Variants in COL4A6 observed in about 807,000 individuals in gnomAD.
COL4A6 encodes the protein collagen alpha-6(IV) chain.
A neutral mutation model predicts 126.7 loss-of-function variants in COL4A6; 59 were observed. That is an observed-to-expected ratio of 0.47 (90% CI 0.38 to 0.58). The LOEUF (loss-of-function observed/expected upper bound fraction) is 0.58. COL4A6 is among the 20% of genes least tolerant of loss of function. COL4A6 has a pLI of 0.00. For synonymous variants in COL4A6, 547 were observed against 496.6 expected, an observed-to-expected ratio of 1.10 and a Z score of -1.35; for missense variants, 1,285 against 1,337.3, an observed-to-expected ratio of 0.96 and a Z score of 0.61.
intron 15 of COL4A6, 57 bp from the exon 16 acceptor site, chrX:108,194,644 G>T (rs1344379087): frequency 1.8e-6 from 2 of 1,114,091 alleles, no homozygotes; most frequent in Admixed American, 2.3e-5. Context: ...AAGAGAGTCT[G>T]GTCTTTGGAT....
chrX:108,215,921 T>A (rs1393988975), intron 5 of COL4A6, among the ~76,000 whole-genome samples: 1 of 111,587 alleles, frequency 9.0e-6, no homozygotes, highest in Non-Finnish European at 1.9e-5. Context: ...GTCTGTTTCC[T>A]GCTGGGATCC....
At chrX:108,379,564 T>C (rs997561714) in intron 2 of COL4A6, among the ~76,000 whole-genome samples, 13 of 105,280 alleles carry the variant, frequency 1.2e-4, no homozygotes, top group African/African-American at 4.5e-4. Flanking sequence ...AGGTGTGAAC[T>C]ACCTTACCTA....
At chrX:108,432,102 T>C (rs2064183196) in intron 2 of COL4A6, among the ~76,000 whole-genome samples, 1 of 112,595 alleles carries the variant, frequency 8.9e-6, no homozygotes, top group East Asian at 2.8e-4. Context: ...CAAAAGACTT[T>C]TGTTGTTCAT....
In COL4A6 at chrX:108,188,553, T is replaced by G; in HGVS notation, c.1551A>C (p.Arg517=). 3 of 1,177,023 alleles carry G rather than the reference T, an allele frequency of 2.5e-6. No homozygotes were observed. Among genetic ancestry groups the G allele is most frequent in the Non-Finnish European group, 3.4e-6 (3 of 878,235 alleles). The stretch of plus-strand genomic sequence containing the variant: ...CTGGGCCCTGTGCACCCCCAGAGCC[T>G]CGATCTCCTCTGGCTCCTTTAAGGC... ...LPGLKGARGD[R]GSGGAQGPAG... Residue 517 remains arginine (R), a synonymous_variant, in exon 21 of 45, where the codon CGA becomes CGC. Coordinates refer to ENST00000334504, the MANE Select transcript of COL4A6 (RefSeq NM_033641.4).
At chrX:108,269,853 AC>A (rs1350278435) in intron 3 of COL4A6, among the ~76,000 whole-genome samples, 1 of 111,140 alleles carries the variant, frequency 9.0e-6, no homozygotes, top group Admixed American at 9.6e-5. Context: ...ACTTTAACCA[AC>A]CCCTACCTCA....
intron 2 of COL4A6, among the ~76,000 whole-genome samples, chrX:108,389,153 G>T (rs901970826): frequency 8.9e-6 from 1 of 111,920 alleles, no homozygotes; most frequent in African/African-American, 3.3e-5. Context: ...GTCAATTTTA[G>T]AATAAGTGAG....
intron 3 of COL4A6, among the ~76,000 whole-genome samples, chrX:108,309,959 A>G (rs1397325010): frequency 1.8e-5 from 2 of 111,254 alleles, no homozygotes; most frequent in East Asian, 5.6e-4. Flanking sequence ...AACATTTCAG[A>G]TTTCAGATTT....
At chrX:108,375,303 A>G (rs1026896745) in intron 2 of COL4A6, among the ~76,000 whole-genome samples, 7 of 112,083 alleles carry the variant, frequency 6.2e-5, no homozygotes, top group Admixed American at 3.8e-4. Context: ...GGTCTGTATA[A>G]CAATCAACCT....
intron 3 of COL4A6, among the ~76,000 whole-genome samples, chrX:108,255,412 G>T (rs2036976628): frequency 9.1e-6 from 1 of 110,330 alleles, no homozygotes; most frequent in Admixed American, 9.7e-5. Context: ...GGATGACCTT[G>T]GGGGCTGAAG....
intron 3 of COL4A6, among the ~76,000 whole-genome samples, chrX:108,230,533 G>A (rs2036275831): frequency 9.0e-6 from 1 of 111,620 alleles, no homozygotes; most frequent in Admixed American, 9.5e-5. Flanking sequence ...GATGGTTGGG[G>A]GGAAATGCAA....
chrX:108,181,984 C>CT (rs1248941899), intron 23 of COL4A6, among the ~76,000 whole-genome samples: 1 of 112,440 alleles, frequency 8.9e-6, no homozygotes, highest in African/African-American at 3.2e-5. Flanking sequence ...TGTACACATC[C>CT]TATGATTCAA....
At chrX:108,314,003 A>T (rs1004142204) in intron 2 of COL4A6, among the ~76,000 whole-genome samples, 8 of 112,205 alleles carry the variant, frequency 7.1e-5, no homozygotes, top group Admixed American at 2.8e-4. Flanking sequence ...TTTTATTTGT[A>T]ACAAGAAAAC....
chrX:108,182,837 T>C (rs2034728836), intron 23 of COL4A6, among the ~76,000 whole-genome samples: 1 of 112,781 alleles, frequency 8.9e-6, no homozygotes, highest in African/African-American at 3.2e-5. Context: ...TGGGTCCAAC[T>C]ATTAAGCCAT....
intron 2 of COL4A6, among the ~76,000 whole-genome samples, chrX:108,316,855 A>C (rs2038892009): frequency 8.9e-6 from 1 of 112,472 alleles, no homozygotes; most frequent in African/African-American, 3.2e-5. Flanking sequence ...CCTGGAGTTC[A>C]GTGAATAGGG....
chrX:108,277,370 T>A (rs1304400517), intron 3 of COL4A6, among the ~76,000 whole-genome samples: 4 of 112,085 alleles, frequency 3.6e-5, no homozygotes, highest in African/African-American at 9.7e-5. Flanking sequence ...CCTACGCCCA[T>A]GGAGTCTCGC....
chrX:108,160,372 G>T, intron 43 of COL4A6, 91 bp downstream of exon 43: 1 of 901,821 alleles, frequency 1.1e-6, no homozygotes, highest in Non-Finnish European at 1.6e-6. Flanking sequence ...ACACAACAGT[G>T]GACCTAGAAA....
chrX:108,407,421 T>C (rs774217854), intron 2 of COL4A6, among the ~76,000 whole-genome samples: 2 of 112,470 alleles, frequency 1.8e-5, no homozygotes, highest in Non-Finnish European at 3.8e-5. Context: ...AAAAAGAAAA[T>C]TTGATTTTAA....
chrX:108,187,926 G>T lies in COL4A6; in HGVS notation c.1689C>A (p.Gly563=). ...CTATTACACCACGGAAGCCCTGGGA[G>T]CCAGAATCACCCCGATCTCCTGGCA... The part of the protein sequence containing the change: ...QGMPGDRGDS[G]SQGFRGVIGE... The change falls in exon 22 of 45, where the codon GGC becomes GGA. Residue 563 remains glycine (G), a synonymous_variant. Coordinates refer to ENST00000334504, the MANE Select transcript of COL4A6 (RefSeq NM_033641.4). The T allele has an allele frequency of 8.3e-7, 1 of 1,210,149 alleles. No homozygotes were observed. Among genetic ancestry groups the T allele is most frequent in the Admixed American group, 2.2e-5 (1 of 46,027 alleles).
intron 2 of COL4A6, among the ~76,000 whole-genome samples, chrX:108,342,168 G>A (rs1359887332): frequency 8.9e-6 from 1 of 111,788 alleles, no homozygotes; most frequent in East Asian, 2.8e-4. Context: ...CATTAGAGTT[G>A]GCTGCCACAA....
Sources: allele counts gnomAD v4.1 joint callset (sites outside exome capture counted in the v4.1 genomes callset), GRCh38; gene constraint gnomAD v4.1.1; transcripts MANE v1.5; gene names NCBI Gene and HGNC (gene_info 2026-07-23, HGNC 2026-07-21).